CREG2: variants seen among roughly 807,000 people sequenced by gnomAD.
The protein encoded by CREG2 is cellular repressor of E1A stimulated genes 2.
Under a neutral mutation model 26.2 loss-of-function variants are expected in CREG2, and 24 were observed. The ratio of observed to expected loss-of-function variants is 0.92; its 90% CI spans 0.66 to 1.29. The LOEUF (loss-of-function observed/expected upper bound fraction) is 1.29. Among genes scored for constraint, CREG2 ranks in the 50% most tolerant of loss-of-function variants. The pLI, the probability that CREG2 is intolerant of heterozygous loss-of-function variation, is 0.00. For missense variants in CREG2, 366 were observed against 398.6 expected (o/e 0.92, Z 0.70); for synonymous variants, 174 against 169.2 (o/e 1.03, Z -0.22).
At chr2:101,362,053 C>A (rs1339564679) in intron 2 of CREG2, among the ~76,000 whole-genome samples, 1 of 152,186 alleles carries the variant, frequency 6.6e-6, no homozygotes, top group African/African-American at 2.4e-5. Flanking sequence ...AGCCAACCAG[C>A]ATATTCCAGT....
intron 2 of CREG2, among the ~76,000 whole-genome samples, chr2:101,359,391 A>G (rs1385020270): frequency 1.3e-5 from 2 of 152,138 alleles, no homozygotes; most frequent in Non-Finnish European, 2.9e-5. Context: ...TTTACCAGTC[A>G]AGTCTTCGTA....
At chr2:101,367,889 G>A (rs1290688857) in intron 2 of CREG2, among the ~76,000 whole-genome samples, 1 of 152,222 alleles carries the variant, frequency 6.6e-6, no homozygotes, top group African/African-American at 2.4e-5. Context: ...GAAAAGGCAA[G>A]GAAACGGCTT....
At chr2:101,364,647 G>A (rs7575259) in intron 2 of CREG2, among the ~76,000 whole-genome samples, 225 of 152,314 alleles carry the variant, frequency 1.5e-3, no homozygotes, top group African/African-American at 4.9e-3. Flanking sequence ...TGTTCTAGGC[G>A]TGCTGAGAAT....
Position 101,346,676 on chromosome 2 carries a change from A to G in CREG2, c.*4247T>C, listed in dbSNP as rs1324241264. On this transcript the variant is annotated 3_prime_UTR_variant, in exon 4 of 4. Transcript: ENST00000324768. ...TCAGTTCCTCATTTTATTAGGGACT[A>G]ATAAGAGAGAGAGTATAAATGCTTT... is the stretch of plus-strand genomic sequence containing the variant. The G allele has an allele frequency of 6.6e-6, 1 of 152,244 alleles. No homozygotes were observed. Among genetic ancestry groups the G allele is most frequent in the African/African-American group, 2.4e-5 (1 of 41,470 alleles). The allele number at this position is 152,244 out of a possible 1,614,324, so 9.4% of individuals were successfully genotyped here.
intron 1 of CREG2, among the ~76,000 whole-genome samples, chr2:101,385,648 G>C (rs907555154): frequency 2.0e-5 from 3 of 152,120 alleles, no homozygotes; most frequent in Non-Finnish European, 4.4e-5. Flanking sequence ...AATTATAAAA[G>C]GCAGGGCTTT....
intron 2 of CREG2, among the ~76,000 whole-genome samples, chr2:101,359,731 A>G (rs1684513606): frequency 6.6e-6 from 1 of 152,228 alleles, no homozygotes; most frequent in Non-Finnish European, 1.5e-5. Context: ...TGGACCTTCA[A>G]ACTCCTTATG....
chr2:101,372,654 T>C (rs1442649099), intron 2 of CREG2, among the ~76,000 whole-genome samples: 3 of 152,210 alleles, frequency 2.0e-5, no homozygotes, highest in Non-Finnish European at 2.9e-5. Flanking sequence ...AATGTCAATA[T>C]TGAATCCTCA....
At chr2:101,373,382 A>G (rs1229829826) in intron 2 of CREG2, among the ~76,000 whole-genome samples, 1 of 152,210 alleles carries the variant, frequency 6.6e-6, no homozygotes, top group Non-Finnish European at 1.5e-5. Flanking sequence ...AAACCCATAT[A>G]TTAATGTCCA....
At position 101,350,971 on chromosome 2, in the gene CREG2, G is replaced by A; in HGVS notation, c.825C>T (p.Ser275=). ...TGAAATATTCCTCCCTTGAAATACT[G>A]GATGCGCCTCCATACCATTTCTGAA... The part of the protein sequence containing the change: ...IWLQKWYGGA[S]SISREEYFKA... The change falls in exon 4 of 4, where the codon TCC becomes TCT. Residue 275 remains serine, a synonymous_variant. Coordinates refer to ENST00000324768, the MANE Select transcript of CREG2 (RefSeq NM_153836.4). 1.2e-6 allele frequency: 2 copies of A among 1,614,144 alleles called. No homozygotes were observed. Among genetic ancestry groups the A allele is most frequent in the Non-Finnish European group, 1.7e-6 (2 of 1,180,014 alleles).
In CREG2 at chr2:101,367,939, C is replaced by T. The variant is rs72988790; in HGVS notation, c.612-12573G>A. On this transcript the variant is annotated intron_variant, in intron 2 of 3. Transcript: ENST00000324768. ...CCAGAAGGAAGCAGCTCAGCCCACA[C>T]CTTGGTTTTAGCTTTGTGAGACTCA... 3.8e-3 allele frequency among the ~76,000 whole-genome samples: 576 copies of T among 152,312 alleles called. 4 individuals carry two copies. Among genetic ancestry groups the T allele is most frequent in the African/African-American group, 0.012 (495 of 41,568 alleles).
At chr2:101,373,457 T>G (rs1186449659) in intron 2 of CREG2, among the ~76,000 whole-genome samples, 2 of 152,138 alleles carry the variant, frequency 1.3e-5, no homozygotes, top group African/African-American at 4.8e-5. Flanking sequence ...AGTCCTGAAA[T>G]GAAACCCTTA....
chr2:101,383,424 T>G (rs1417989826), intron 2 of CREG2, 109 bp downstream of exon 2: 1 of 952,176 alleles, frequency 1.1e-6, no homozygotes, highest in Non-Finnish European at 1.6e-6. Flanking sequence ...AACATCAATG[T>G]GCATCTCAGA....
At chr2:101,382,450 A>AT in intron 2 of CREG2, 1 of 971,038 alleles carries the variant, frequency 1.0e-6, no homozygotes, top group Non-Finnish European at 1.2e-6. Context: ...AAAGAGTAAG[A>AT]AAAGAAAAGA....
intron 2 of CREG2, among the ~76,000 whole-genome samples, chr2:101,361,767 C>T (rs902131321): frequency 6.6e-6 from 1 of 152,168 alleles, no homozygotes; most frequent in East Asian, 1.9e-4. Flanking sequence ...CACCCTTAGT[C>T]ACAGGAGTGC....
intron 3 of CREG2, among the ~76,000 whole-genome samples, chr2:101,351,796 G>A (rs1684384845): frequency 6.6e-6 from 1 of 152,114 alleles, no homozygotes; most frequent in South Asian, 2.1e-4. Flanking sequence ...TCTAAAAAAT[G>A]TCATAAACAT....
chr2:101,350,821 A>AT lies in CREG2; in HGVS notation c.*101dup. On this transcript the variant is annotated 3_prime_UTR_variant, in exon 4 of 4. Transcript: ENST00000324768. ...CTGCTGCAGGGATGGCAGGGCTGCT[A>AT]TGAACCCTTCAACAAAGAGACAGTG... The AT allele has an allele frequency of 8.2e-7, 1 of 1,212,176 alleles. No individual in the cohort carries two copies. The allele number at this position is 1,212,176 out of a possible 1,614,324, so 75.1% of individuals were successfully genotyped here.
In CREG2 at chr2:101,383,894, C is replaced by G. The variant is rs1573319865; in HGVS notation, c.442-192G>C. Among the ~76,000 whole-genome samples, 3 of 152,156 alleles carry G rather than the reference C, an allele frequency of 2.0e-5. No homozygotes were observed. In the East Asian group the frequency reaches 5.8e-4, roughly 29 times the overall value. On this transcript the variant is annotated intron_variant, in intron 1 of 3. Coordinates refer to ENST00000324768, the MANE Select transcript of CREG2 (RefSeq NM_153836.4). Reference sequence around the variant, plus strand: ...CTGCCCAATTCACTCCGTGGTGGCTCTAGAATTTCTCCACAGGAGATACTC... The same window carrying G: ...CTGCCCAATTCACTCCGTGGTGGCTGTAGAATTTCTCCACAGGAGATACTC...
chr2:101,381,078 C>T (rs10176778), intron 2 of CREG2, among the ~76,000 whole-genome samples: 65,583 of 152,028 alleles, frequency 0.43, 14,873 homozygotes, highest in East Asian at 0.53. Flanking sequence ...AAGACATGGG[C>T]GCTTTCTTGA....
chr2:101,354,316 A>G (rs985087206), intron 3 of CREG2, among the ~76,000 whole-genome samples: 1 of 152,232 alleles, frequency 6.6e-6, no homozygotes, highest in Non-Finnish European at 1.5e-5. Context: ...GCACACTGAC[A>G]TCTGTTTCTT....
Sources: allele counts gnomAD v4.1 joint callset (sites outside exome capture counted in the v4.1 genomes callset), GRCh38; gene constraint gnomAD v4.1.1; transcripts MANE v1.5; gene names NCBI Gene and HGNC (gene_info 2026-07-23, HGNC 2026-07-21).